Variants in RAB38 observed in about 807,000 individuals in gnomAD.
The protein encoded by RAB38 is ras-related protein Rab-38.
A neutral mutation model predicts 18.4 loss-of-function variants in RAB38; 15 were observed. The observed-to-expected ratio is 0.82, with a 90% CI of 0.55 to 1.26. RAB38 has a LOEUF of 1.26. Ranked by LOEUF, RAB38 falls within the 50% of genes most tolerant of loss-of-function variation. The probability of loss-of-function intolerance (pLI) is 0.00; values close to 1 mark genes in which losing one functional copy is unlikely to be tolerated. For synonymous variants in RAB38, 101 were observed against 104.4 expected, an observed-to-expected ratio of 0.97 and a Z score of 0.20; for missense variants, 294 against 267.4, an observed-to-expected ratio of 1.10 and a Z score of -0.69.
chr11:88,116,905 T>C (rs1013517630), intron 2 of RAB38, among the ~76,000 whole-genome samples: 1 of 152,180 alleles, frequency 6.6e-6, no homozygotes, highest in Non-Finnish European at 1.5e-5. Flanking sequence ...GAGAATTCAA[T>C]GCGTGTGGGA....
chr11:87,825,051 G>GAAT, the RAB38 span, among the ~76,000 whole-genome samples: 1 of 151,996 alleles, frequency 6.6e-6, no homozygotes, highest in Admixed American at 6.6e-5. Context: ...AATGAATCAA[G>GAAT]AATAGCATCG....
the RAB38 span, among the ~76,000 whole-genome samples, chr11:87,904,914 T>C: frequency 9.9e-5 from 15 of 151,906 alleles, no homozygotes; most frequent in African/African-American, 3.6e-4. Flanking sequence ...GATTATATTT[T>C]CCATGAGTTT....
chr11:87,847,245 C>T, the RAB38 span, among the ~76,000 whole-genome samples: 4 of 151,902 alleles, frequency 2.6e-5, no homozygotes, highest in South Asian at 4.2e-4. Context: ...ATTGGCAAAC[C>T]TATGGCTAGA....
At chr11:87,958,121 T>C in the RAB38 span, among the ~76,000 whole-genome samples, 2 of 152,158 alleles carry the variant, frequency 1.3e-5, no homozygotes, top group Non-Finnish European at 2.9e-5. Context: ...CTCTACTCTT[T>C]GTCACTGGCA....
chr11:87,916,844 A>G, the RAB38 span, among the ~76,000 whole-genome samples: 3 of 152,100 alleles, frequency 2.0e-5, no homozygotes, highest in Non-Finnish European at 4.4e-5. Flanking sequence ...AAAAATCTCC[A>G]TATTTATTGT....
chr11:87,868,459 G>T, the RAB38 span, among the ~76,000 whole-genome samples: 1 of 151,308 alleles, frequency 6.6e-6, no homozygotes, highest in Admixed American at 6.6e-5. Context: ...GAATTACCCA[G>T]CTTCAAGTAT....
chr11:87,888,267 TAGC>T, the RAB38 span, among the ~76,000 whole-genome samples: 1 of 151,948 alleles, frequency 6.6e-6, no homozygotes, highest in African/African-American at 2.4e-5. Context: ...TCTTGGCTAA[TAGC>T]AGTTGTAAAA....
chr11:87,945,006 C>T, the RAB38 span, among the ~76,000 whole-genome samples: 2 of 152,062 alleles, frequency 1.3e-5, no homozygotes, highest in Non-Finnish European at 2.9e-5. Flanking sequence ...TCTTTTGGAG[C>T]AATGGATGCC....
Position 88,149,686 on chromosome 11 carries a change from T to G in RAB38, c.472A>C (p.Thr158Pro), listed in dbSNP as rs1283891389. ...TAAAGTCACATTACCTTTGCTGATGTTTCAAACCATCCTACGAAACCGTGC... is the reference window on the plus strand; with the variant it reads ...TAAAGTCACATTACCTTTGCTGATGGTTCAAACCATCCTACGAAACCGTGC... Reference protein sequence around the residue: ...KEHGFVGWFETSAKENINIDE... With the variant: ...KEHGFVGWFEPSAKENINIDE... The change falls in exon 2 of 3, where the codon ACA (threonine) becomes CCA (proline). Residue 158 changes from threonine (T) to proline (P), a missense_variant. Transcript: ENST00000243662. 1 of 1,610,344 alleles carries G rather than the reference T, an allele frequency of 6.2e-7. No individual in the cohort carries two copies.
At chr11:87,810,881 C>A in the RAB38 span, among the ~76,000 whole-genome samples, 10 of 151,820 alleles carry the variant, frequency 6.6e-5, no homozygotes, top group Non-Finnish European at 4.4e-5. Context: ...ATTCTTGCGT[C>A]CTCAGAAGAA....
the RAB38 span, among the ~76,000 whole-genome samples, chr11:88,017,701 T>TTTATATATATATATAATATATA: frequency 6.8e-3 from 983 of 145,406 alleles, 10 homozygotes; most frequent in African/African-American, 0.022. Context: ...TAAATTGTAT[T>TTTATATATATATATAATATATA]TTATATATAT....
chr11:88,013,779 A>T, the RAB38 span, among the ~76,000 whole-genome samples: 1 of 152,172 alleles, frequency 6.6e-6, no homozygotes, highest in Admixed American at 6.6e-5. Flanking sequence ...CTGGCCTGCA[A>T]AAACCCAGGA....
chr11:88,015,896 C>T, the RAB38 span, among the ~76,000 whole-genome samples: 2 of 152,162 alleles, frequency 1.3e-5, no homozygotes, highest in African/African-American at 2.4e-5. Flanking sequence ...TTAACACTGG[C>T]CACTTGGGAG....
At chr11:87,873,890 G>GTC in the RAB38 span, among the ~76,000 whole-genome samples, 1 of 59,500 alleles carries the variant, frequency 1.7e-5, no homozygotes, top group Admixed American at 2.3e-4. Context: ...ATATATGTGT[G>GTC]TGTATATATA....
the RAB38 span, among the ~76,000 whole-genome samples, chr11:87,939,406 A>ATG: frequency 6.7e-6 from 1 of 150,144 alleles, no homozygotes; most frequent in Admixed American, 6.6e-5. Context: ...ACACACACAC[A>ATG]CACACACTCC....
chr11:88,006,073 C>G, the RAB38 span, among the ~76,000 whole-genome samples: 1 of 151,256 alleles, frequency 6.6e-6, no homozygotes, highest in Non-Finnish European at 1.5e-5. Flanking sequence ...ATAAAAAACT[C>G]AAACAGCTCA....
the RAB38 span, among the ~76,000 whole-genome samples, chr11:87,937,870 G>GTTTTTTTT: frequency 1.2e-4 from 11 of 92,008 alleles, no homozygotes; most frequent in East Asian, 3.4e-4. Flanking sequence ...TCATTGAAGT[G>GTTTTTTTT]TTTTTTTTTT....
At chr11:88,007,850 C>A in the RAB38 span, among the ~76,000 whole-genome samples, 1 of 151,846 alleles carries the variant, frequency 6.6e-6, no homozygotes, top group East Asian at 1.9e-4. Flanking sequence ...AATGTATCAA[C>A]TGGAAAAATA....
the RAB38 span, among the ~76,000 whole-genome samples, chr11:87,876,411 C>A: frequency 1.3e-5 from 2 of 151,614 alleles, no homozygotes; most frequent in Non-Finnish European, 3.0e-5. Context: ...CTCTCTCTAT[C>A]TCCTCTTTCT....
Sources: allele counts gnomAD v4.1 joint callset (sites outside exome capture counted in the v4.1 genomes callset), GRCh38; gene constraint gnomAD v4.1.1; transcripts MANE v1.5; gene names NCBI Gene and HGNC (gene_info 2026-07-23, HGNC 2026-07-21).